The following FBXL17 variants were observed in gnomAD, a reference collection of about 807,000 sequenced individuals.
FBXL17 encodes F-box and leucine rich repeat protein 17.
FBXL17 carries 22 observed loss-of-function variants against 66.2 expected under a neutral mutation model. The ratio of observed to expected loss-of-function variants is 0.33; its 90% CI spans 0.24 to 0.47. FBXL17 has a LOEUF of 0.47. FBXL17 is among the 20% of genes least tolerant of loss of function. FBXL17 has a pLI of 1.00. For synonymous variants in FBXL17, 474 were observed against 400.5 expected (o/e 1.18, Z -2.19); for missense variants, 878 against 948.2 (o/e 0.93, Z 0.97).
rs34990078 is a variant in FBXL17, at chr5:107,861,801, G to A, written c.2025C>T (p.Thr675=). 0.18 allele frequency: 282,624 copies of A among 1,578,530 alleles called. 26,617 individuals carry two copies. The highest frequency in any genetic ancestry group is 0.3 in the Middle Eastern group (1,793 of 5,928). ...VQQYPHITFS[T]VLQDCKRTLE... ...AGGTCCTCTTGCAGTCCTGCAGGAC[G>A]GTGCTGAAGGTGATGTGGGGGTACT... is the stretch of plus-strand genomic sequence containing the variant. Residue 675 remains threonine, a synonymous_variant, in exon 9 of 9, where the codon ACC becomes ACT. Coordinates refer to ENST00000542267, the MANE Select transcript of FBXL17 (RefSeq NM_001163315.3).
intron 4 of FBXL17, among the ~76,000 whole-genome samples, chr5:108,259,682 A>G (rs10051605): frequency 0.29 from 44,244 of 152,050 alleles, 6,725 homozygotes; most frequent in South Asian, 0.44. Flanking sequence ...TGACAATATG[A>G]GATGTAAGAC....
intron 4 of FBXL17, among the ~76,000 whole-genome samples, chr5:108,325,780 A>C (rs746627008): frequency 3.9e-5 from 6 of 152,190 alleles, no homozygotes; most frequent in South Asian, 2.1e-4. Context: ...TTAGGATTAG[A>C]GTCAGAAGTA....
rs201177932 is a variant in FBXL17, at chr5:108,106,006, A to AT, written c.1745+80110dup. ...TCGCCGGAAAGCAAGGGTTAATCCTATTTTAAATAGGGGGAAACTGAAGCT... is the reference window on the plus strand; with the variant it reads ...TCGCCGGAAAGCAAGGGTTAATCCTATTTTTAAATAGGGGGAAACTGAAGCT... On this transcript the variant is annotated intron_variant, in intron 6 of 8. Transcript: ENST00000542267. 7.9e-5 allele frequency among the ~76,000 whole-genome samples: 12 copies of AT among 152,284 alleles called. No individual in the cohort carries two copies. In the East Asian group the frequency reaches 2.3e-3, roughly 29 times the overall value.
At chr5:107,892,255 A>C (rs1749220158) in intron 7 of FBXL17, among the ~76,000 whole-genome samples, 1 of 152,116 alleles carries the variant, frequency 6.6e-6, no homozygotes, top group East Asian at 1.9e-4. Flanking sequence ...CTATGTGTAC[A>C]TATTAGTTAT....
intron 7 of FBXL17, among the ~76,000 whole-genome samples, chr5:107,897,084 G>A (rs1749409568): frequency 6.6e-6 from 1 of 151,874 alleles, no homozygotes; most frequent in Non-Finnish European, 1.5e-5. Flanking sequence ...AAAGTGGTTT[G>A]GCCTAAAAAA....
At chr5:108,298,914 T>C (rs995888843) in intron 4 of FBXL17, 6 of 939,078 alleles carry the variant, frequency 6.4e-6, no homozygotes, top group Middle Eastern at 5.4e-4. Flanking sequence ...ATTAAAAGTA[T>C]AGCACACTGA....
intron 7 of FBXL17, among the ~76,000 whole-genome samples, chr5:107,883,692 T>C (rs1292176933): frequency 6.6e-6 from 1 of 152,210 alleles, no homozygotes; most frequent in Non-Finnish European, 1.5e-5. Context: ...CGACAGCTCC[T>C]ATTCACTGCT....
rs565126391 is a variant in FBXL17, at chr5:108,355,338, G to A, written c.1375-6808C>T. 2.0e-4 allele frequency among the ~76,000 whole-genome samples: 31 copies of A among 151,370 alleles called. No individual in the cohort carries two copies. In the South Asian group the frequency reaches 6.5e-3, roughly 32 times the overall value. ...ACAATCTCACACTGCCCCTAGTCTG[G>A]AGCGCAGTGGCATGATCTTGGCTCA... On this transcript the variant is annotated intron_variant, in intron 3 of 8. Transcript: ENST00000542267.
chr5:107,949,678 A>G (rs1751435108), intron 7 of FBXL17, among the ~76,000 whole-genome samples: 2 of 152,230 alleles, frequency 1.3e-5, no homozygotes, highest in African/African-American at 2.4e-5. Context: ...CCTTTTGGAT[A>G]GAAGCACAGA....
intron 4 of FBXL17, among the ~76,000 whole-genome samples, chr5:108,305,293 G>A (rs147067308): frequency 2.6e-5 from 4 of 151,978 alleles, no homozygotes; most frequent in East Asian, 3.9e-4. Flanking sequence ...AGACACATTG[G>A]GGGGATCAAC....
intron 6 of FBXL17, among the ~76,000 whole-genome samples, chr5:108,050,167 T>G (rs898585274): frequency 1.2e-4 from 18 of 152,188 alleles, no homozygotes; most frequent in African/African-American, 4.1e-4. Flanking sequence ...CTGTCAATAT[T>G]AGATAGATTA....
At chr5:108,164,284 G>C (rs116023862) in intron 6 of FBXL17, among the ~76,000 whole-genome samples, 1,727 of 152,284 alleles carry the variant, frequency 0.011, 47 homozygotes, top group African/African-American at 0.039. Flanking sequence ...CTCTAAATCA[G>C]AAGGTTTGTT....
intron 7 of FBXL17, among the ~76,000 whole-genome samples, chr5:107,921,291 G>C (rs1561321677): frequency 6.6e-6 from 1 of 152,196 alleles, no homozygotes; most frequent in Non-Finnish European, 1.5e-5. Context: ...CAGAAATTCT[G>C]TAAAGTTAAA....
At chr5:108,002,700 A>G (rs1345682166) in intron 7 of FBXL17, among the ~76,000 whole-genome samples, 1 of 152,226 alleles carries the variant, frequency 6.6e-6, no homozygotes, top group Admixed American at 6.5e-5. Context: ...TTAGCAATAA[A>G]AAGGATAAAA....
At chr5:107,923,060 A>T (rs1750375699) in intron 7 of FBXL17, among the ~76,000 whole-genome samples, 1 of 152,138 alleles carries the variant, frequency 6.6e-6, no homozygotes, top group African/African-American at 2.4e-5. Flanking sequence ...TGAAAATCAA[A>T]TTTTTCATGA....
intron 8 of FBXL17, chr5:107,880,526 T>TG (rs1748753497): frequency 8.9e-6 from 9 of 1,008,128 alleles, no homozygotes; most frequent in Non-Finnish European, 1.1e-5. Context: ...ATCTGATGTA[T>TG]GGGGAGATGC....
chr5:108,182,275 T>C (rs1011607347), intron 6 of FBXL17, among the ~76,000 whole-genome samples: 3 of 152,192 alleles, frequency 2.0e-5, no homozygotes, highest in Admixed American at 2.0e-4. Context: ...GCTAAACGCA[T>C]TAGTGCATTC....
intron 3 of FBXL17, among the ~76,000 whole-genome samples, chr5:108,353,168 TA>T: frequency 6.6e-6 from 1 of 152,104 alleles, no homozygotes; most frequent in Non-Finnish European, 1.5e-5. Context: ...TTCTAAAAAA[TA>T]AAAAGCTGAT....
chr5:107,880,705 C>A, intron 8 of FBXL17: 6 of 1,270,340 alleles, frequency 4.7e-6, no homozygotes, highest in East Asian at 3.0e-5. Flanking sequence ...ACGGTTAGAC[C>A]CTGCAAATTG....
Sources: allele counts gnomAD v4.1 joint callset (sites outside exome capture counted in the v4.1 genomes callset), GRCh38; gene constraint gnomAD v4.1.1; transcripts MANE v1.5; gene names NCBI Gene and HGNC (gene_info 2026-07-23, HGNC 2026-07-21).